Variants in GPA33 observed in about 807,000 individuals in gnomAD.
The protein encoded by GPA33 is glycoprotein A33, also known as cell surface A33 antigen.
Under a neutral mutation model 35.6 loss-of-function variants are expected in GPA33, and 27 were observed. The observed-to-expected ratio is 0.76, with a 90% CI of 0.56 to 1.04. GPA33 has a LOEUF of 1.04. Among genes scored for constraint, GPA33 ranks in the 50% least tolerant of loss-of-function variants. The pLI, the probability that GPA33 is intolerant of heterozygous loss-of-function variation, is 0.00. For synonymous variants in GPA33, 176 were observed against 164.0 expected, an observed-to-expected ratio of 1.07 and a Z score of -0.56; for missense variants, 428 against 411.9, an observed-to-expected ratio of 1.04 and a Z score of -0.34.
intron 3 of GPA33, 66 bp downstream of exon 3, chr1:167,068,856 C>G: frequency 7.9e-7 from 1 of 1,265,472 alleles, no homozygotes; most frequent in Non-Finnish European, 1.1e-6. Context: ...CACCTGGGCT[C>G]TTCTCCCTGT....
Position 167,054,403 on chromosome 1 carries a change from C to T in GPA33, c.891G>A (p.Glu297=). The change falls in exon 7 of 7, where the codon GAG becomes GAA. Residue 297 remains glutamate (E), a synonymous_variant. Transcript: ENST00000367868. ...GCTCTTCTTGCCTGTAGTCATCCTC[C>T]TCCTCCCTCTCTCTGGAAAGTTCTC... ...QLRELSRERE[E]EDDYRQEEQR... is the part of the protein sequence containing the mutation. 1.2e-6 allele frequency: 2 copies of T among 1,614,144 alleles called. No individual in the cohort carries two copies. The highest frequency in any genetic ancestry group is 1.1e-5 in the South Asian group (1 of 91,080).
At chr1:167,061,101 G>A (rs544835600) in intron 4 of GPA33, among the ~76,000 whole-genome samples, 21 of 152,244 alleles carry the variant, frequency 1.4e-4, no homozygotes, top group South Asian at 6.2e-4. Flanking sequence ...AGAACCTAAG[G>A]CACAAAGAAG....
chr1:167,071,519 G>A (rs1293245383), intron 2 of GPA33, among the ~76,000 whole-genome samples: 1 of 152,196 alleles, frequency 6.6e-6, no homozygotes, highest in Non-Finnish European at 1.5e-5. Context: ...TCCTTGTGCA[G>A]GGTGCAATCT....
In GPA33 at chr1:167,054,365, C is replaced by G. The variant is rs771418121; in HGVS notation, c.929G>C (p.Gly310Ala). 19 of 1,614,136 alleles carry G rather than the reference C, an allele frequency of 1.2e-5. No individual in the cohort carries two copies. The East Asian group carries it at 3.1e-4, about 27-fold the overall frequency. The change falls in exon 7 of 7, where the codon GGG becomes GCG. Residue 310 changes from glycine (G) to alanine (A), a missense_variant. Gly to Ala is a moderately conservative substitution (Grantham distance 60, BLOSUM62 0). Transcript: ENST00000367868. ...GTCGAGGTGGTCCGGGGATTCACGC[C>G]CAGTGCTCCTCTGCTCTTCTTGCCT... ...DYRQEEQRST[G>A]RESPDHLDQ is the part of the protein sequence containing the mutation.
rs1666545957 is a variant in GPA33 at position 167,064,492 on chromosome 1, C to T, written c.416-755G>A. On this transcript the variant is annotated intron_variant, in intron 3 of 6. Coordinates refer to ENST00000367868, the MANE Select transcript of GPA33 (RefSeq NM_005814.3). ...TCATTTGTGCCATTTTGGGAAAATC[C>T]TCACTTCCCCTCGACCTCAGTGTTC... 3.9e-5 allele frequency among the ~76,000 whole-genome samples: 6 copies of T among 152,262 alleles called. No homozygotes were observed. In the South Asian group the frequency reaches 8.3e-4, roughly 21 times the overall value.
chr1:167,071,885 A>G (rs1666728284), intron 2 of GPA33, among the ~76,000 whole-genome samples: 1 of 152,238 alleles, frequency 6.6e-6, no homozygotes, highest in Non-Finnish European at 1.5e-5. Context: ...TCCTTCTGGA[A>G]GTAAGGGACC....
chr1:167,085,345 G>T (rs1667027117), intron 1 of GPA33, among the ~76,000 whole-genome samples: 2 of 152,224 alleles, frequency 1.3e-5, no homozygotes, highest in Non-Finnish European at 2.9e-5. Flanking sequence ...TTTCAGAAAT[G>T]CGGGAGAGAT....
At chr1:167,062,616 A>G (rs1666481872) in intron 4 of GPA33, among the ~76,000 whole-genome samples, 1 of 146,372 alleles carries the variant, frequency 6.8e-6, no homozygotes, top group African/African-American at 2.5e-5. Flanking sequence ...TGGGTGTGGA[A>G]AGGATGGTAG....
At chr1:167,087,121 T>G (rs1667068446) in intron 1 of GPA33, among the ~76,000 whole-genome samples, 1 of 152,182 alleles carries the variant, frequency 6.6e-6, no homozygotes, top group African/African-American at 2.4e-5. Context: ...AACAGCCTTG[T>G]GGAGGGGGCA....
At chr1:167,088,716 A>T (rs1667102176) in intron 1 of GPA33, among the ~76,000 whole-genome samples, 1 of 152,182 alleles carries the variant, frequency 6.6e-6, no homozygotes, top group African/African-American at 2.4e-5. Flanking sequence ...CGTTTTTCTA[A>T]GCCAAAATTT....
chr1:167,073,604 C>A (rs1215606696), intron 1 of GPA33, 65 bp from the exon 2 acceptor site: 2 of 1,357,848 alleles, frequency 1.5e-6, no homozygotes, highest in African/African-American at 1.4e-5. Context: ...CCACTCACTG[C>A]CCACAGGACC....
chr1:167,071,441 G>A (rs2102189424), intron 2 of GPA33, among the ~76,000 whole-genome samples: 1 of 152,332 alleles, frequency 6.6e-6, no homozygotes, highest in Non-Finnish European at 1.5e-5. Context: ...AGTGCGCTTT[G>A]TGCAACATTA....
intron 1 of GPA33, chr1:167,082,177 C>A: frequency 2.2e-6 from 1 of 446,730 alleles, no homozygotes; most frequent in Non-Finnish European, 4.5e-6. Flanking sequence ...TACACAATCA[C>A]AGACAGAGAG....
intron 2 of GPA33, among the ~76,000 whole-genome samples, chr1:167,072,078 AC>A (rs757792910): frequency 2.6e-5 from 4 of 152,158 alleles, no homozygotes; most frequent in Non-Finnish European, 5.9e-5. Context: ...AGCAGTCGGG[AC>A]AGGTGGCTAT....
chr1:167,080,875 T>A (rs1018298233), intron 1 of GPA33, among the ~76,000 whole-genome samples: 1 of 152,224 alleles, frequency 6.6e-6, no homozygotes, highest in African/African-American at 2.4e-5. Flanking sequence ...GAATGAATTA[T>A]AGAGAACTTA....
rs139630164 is a variant in GPA33 at position 167,069,072 on chromosome 1, C to T, written c.265G>A (p.Val89Ile). 5.5e-5 allele frequency: 89 copies of T among 1,613,822 alleles called. 1 individual carries two copies. In the East Asian group the frequency reaches 9.8e-4, roughly 18 times the overall value. ...TGCTCAGCATTGTTGGATATGCTGA[C>T]GCGATTCTTATAAAGCTCACCATGG... ...YIHGELYKNRVSISNNAEQSD... is the reference protein window; with the variant it reads ...YIHGELYKNRISISNNAEQSD... The change falls in exon 3 of 7, where the codon GTC becomes ATC. Residue 89 changes from valine to isoleucine, a missense_variant. Coordinates refer to ENST00000367868, the MANE Select transcript of GPA33 (RefSeq NM_005814.3).
chr1:167,056,589 A>G (rs115948488), intron 4 of GPA33, among the ~76,000 whole-genome samples: 9 of 196 alleles, frequency 0.046, no homozygotes, highest in Non-Finnish European at 0.1. Context: ...TATGTGTGGT[A>G]TGTGTGTATG....
intron 1 of GPA33, among the ~76,000 whole-genome samples, chr1:167,073,985 A>T (rs544047097): frequency 8.5e-5 from 13 of 152,082 alleles, no homozygotes; most frequent in African/African-American, 3.1e-4. Flanking sequence ...TGTGATGATG[A>T]TGTATTCTCT....
At chr1:167,084,761 G>T (rs79893672) in intron 1 of GPA33, among the ~76,000 whole-genome samples, 1 of 152,276 alleles carries the variant, frequency 6.6e-6, no homozygotes, top group Non-Finnish European at 1.5e-5. Flanking sequence ...CCAGCATAAA[G>T]CATAAAGCAA....
Sources: allele counts gnomAD v4.1 joint callset (sites outside exome capture counted in the v4.1 genomes callset), GRCh38; gene constraint gnomAD v4.1.1; transcripts MANE v1.5; gene names NCBI Gene and HGNC (gene_info 2026-07-23, HGNC 2026-07-21).